The following DSN1 variants were observed in gnomAD, a reference collection of about 807,000 sequenced individuals.
DSN1 encodes DSN1 component of MIS12 kinetochore complex, also known as kinetochore-associated protein DSN1 homolog.
In DSN1, 31 loss-of-function variants were observed where a neutral mutation model predicts 45.7. The observed-to-expected ratio is 0.68, with a 90% confidence interval of 0.51 to 0.92. DSN1 has a LOEUF of 0.92. DSN1 is among the 40% of genes least tolerant of loss of function. The probability of loss-of-function intolerance (pLI) is 0.00; values close to 1 mark genes in which losing one functional copy is unlikely to be tolerated. For missense variants in DSN1, 394 were observed against 414.2 expected (o/e 0.95, Z 0.42); for synonymous variants, 134 against 142.3 (o/e 0.94, Z 0.41).
In DSN1 at chr20:36,766,759, A is replaced by G; in HGVS notation, c.502+10T>C. ...CAGGGTCAAAGCTCACTCATCTGTT[A>G]GCAACTTACCTTTGGCTCTAAAACT... is the stretch of plus-strand genomic sequence containing the variant. On this transcript the variant is annotated intron_variant, in intron 5 of 10. Transcript: ENST00000373750. 1 of 1,608,890 alleles carries G rather than the reference A, an allele frequency of 6.2e-7. No individual in the cohort carries two copies. The highest frequency in any genetic ancestry group is 8.5e-7 in the Non-Finnish European group (1 of 1,178,424).
At chr20:36,765,003 A>G (rs1419087250) in intron 5 of DSN1, among the ~76,000 whole-genome samples, 1 of 152,030 alleles carries the variant, frequency 6.6e-6, no homozygotes, top group Non-Finnish European at 1.5e-5. Context: ...AAGAAAAAGG[A>G]ACACAGATTA....
chr20:36,753,651 A>G (rs1269694902), intron 10 of DSN1, among the ~76,000 whole-genome samples: 1 of 150,326 alleles, frequency 6.7e-6, no homozygotes, highest in Non-Finnish European at 1.5e-5. Flanking sequence ...AAAAAAAAAA[A>G]AAGAAAAAGA....
chr20:36,765,025 T>TA (rs900951599), intron 5 of DSN1, among the ~76,000 whole-genome samples: 26 of 151,704 alleles, frequency 1.7e-4, no homozygotes, highest in African/African-American at 5.6e-4. Flanking sequence ...AACTACAAAA[T>TA]ATCTTCTATC....
chr20:36,765,862 A>T (rs984964633), intron 5 of DSN1, among the ~76,000 whole-genome samples: 1 of 151,254 alleles, frequency 6.6e-6, no homozygotes, highest in Admixed American at 6.6e-5. Context: ...AAAAAAAAAA[A>T]ACAAAAAACA....
Position 36,754,811 on chromosome 20 carries a change from A to G in DSN1, c.913T>C (p.Phe305Leu). ...AAGCACTGGGTACTTTCATCCATAAAGGCCTGCAGCTGTTTCACTGATCCT... is the reference window on the plus strand; with the variant it reads ...AAGCACTGGGTACTTTCATCCATAAGGGCCTGCAGCTGTTTCACTGATCCT... ...LQGSVKQLQA[F>L]MDESTQCFQK... Residue 305 changes from phenylalanine (F) to leucine (L), a missense_variant, in exon 10 of 11, where the codon TTT (phenylalanine) becomes CTT (leucine). By Grantham distance (22) the Phe-to-Leu change is conservative (BLOSUM62 0). Coordinates refer to ENST00000373750, the MANE Select transcript of DSN1 (RefSeq NM_001145315.2). 1 of 1,613,948 alleles carries G rather than the reference A, an allele frequency of 6.2e-7. No homozygotes were observed.
At chr20:36,766,400 G>A (rs998404075) in intron 5 of DSN1, among the ~76,000 whole-genome samples, 3 of 152,022 alleles carry the variant, frequency 2.0e-5, no homozygotes, top group African/African-American at 4.8e-5. Context: ...GGGCACAGTG[G>A]CTCATGCCTG....
chr20:36,757,207 T>A (rs931259275), intron 8 of DSN1, among the ~76,000 whole-genome samples: 12 of 151,748 alleles, frequency 7.9e-5, no homozygotes, highest in African/African-American at 2.9e-4. Flanking sequence ...AATACAAAAA[T>A]TAGTGGGGTG....
chr20:36,756,880 T>C (rs1012255653), intron 8 of DSN1, among the ~76,000 whole-genome samples: 3 of 152,204 alleles, frequency 2.0e-5, no homozygotes, highest in African/African-American at 7.2e-5. Context: ...ATAAAGTAAC[T>C]GATAACCATC....
intron 7 of DSN1, 133 bp downstream of exon 7, chr20:36,758,425 G>T: frequency 1.3e-6 from 1 of 764,698 alleles, no homozygotes; most frequent in Non-Finnish European, 2.1e-6. Flanking sequence ...TCAATATGCA[G>T]CCTTCTAACT....
intron 5 of DSN1, among the ~76,000 whole-genome samples, chr20:36,763,885 CAAAAAAAA>C (rs148628979): frequency 2.5e-3 from 94 of 37,464 alleles, no homozygotes; most frequent in African/African-American, 0.011. Flanking sequence ...AACTCTGTCT[CAAAAAAAA>C]AAAAAAAAAA....
At position 36,762,454 on chromosome 20, in the gene DSN1, C is replaced by G. The variant is rs768302404; in HGVS notation, c.590+7G>C. 1.1e-5 allele frequency: 18 copies of G among 1,612,572 alleles called. 1 individual carries two copies. In the South Asian group the frequency reaches 2.0e-4, roughly 18 times the overall value. ...ATAATTTAGGACAGAAGGGGAACTGCTCTTACCCATTTGAATCTTCAAAAC... is the reference window on the plus strand; with the variant it reads ...ATAATTTAGGACAGAAGGGGAACTGGTCTTACCCATTTGAATCTTCAAAAC... On this transcript the variant is annotated splice_region_variant and intron_variant, in intron 6 of 10. Coordinates refer to ENST00000373750, the MANE Select transcript of DSN1 (RefSeq NM_001145315.2).
At chr20:36,763,705 G>A (rs965868216) in intron 5 of DSN1, among the ~76,000 whole-genome samples, 2 of 151,656 alleles carry the variant, frequency 1.3e-5, no homozygotes, top group African/African-American at 4.8e-5. Context: ...TGGCCAACAT[G>A]GTGAAACCCC....
At chr20:36,773,537 G>A (rs1175523481) in intron 1 of DSN1, 125 bp downstream of exon 1, 3 of 986,076 alleles carry the variant, frequency 3.0e-6, no homozygotes, top group Non-Finnish European at 3.6e-6. Context: ...CGGGGCCGGG[G>A]CTGCGGCGGG....
In DSN1 at chr20:36,754,806, C is replaced by G. The variant is rs1247369595; in HGVS notation, c.918G>C (p.Met306Ile). The G allele has an allele frequency of 6.2e-7, 1 of 1,613,918 alleles. No individual in the cohort carries two copies. Among genetic ancestry groups the G allele is most frequent in the Admixed American group, 1.7e-5 (1 of 60,008 alleles). ...QGSVKQLQAF[M>I]DESTQCFQKV... ...TCTGGAAGCACTGGGTACTTTCATC[C>G]ATAAAGGCCTGCAGCTGTTTCACTG... Residue 306 changes from methionine to isoleucine, a missense_variant, in exon 10 of 11, where the codon ATG becomes ATC. Met to Ile is a conservative substitution (Grantham distance 10). Transcript: ENST00000373750.
intron 5 of DSN1, among the ~76,000 whole-genome samples, chr20:36,764,483 G>A (rs1378724901): frequency 6.6e-6 from 1 of 152,294 alleles, no homozygotes; most frequent in South Asian, 2.1e-4. Context: ...CTGGATAAGT[G>A]TATATTTACA....
chr20:36,761,642 C>T (rs1283274985), intron 6 of DSN1, among the ~76,000 whole-genome samples: 1 of 151,672 alleles, frequency 6.6e-6, no homozygotes, highest in Non-Finnish European at 1.5e-5. Context: ...AGGCAGATCA[C>T]CTGAGGTTAG....
intron 5 of DSN1, among the ~76,000 whole-genome samples, chr20:36,764,244 G>A (rs978299281): frequency 2.0e-5 from 3 of 151,848 alleles, no homozygotes; most frequent in Non-Finnish European, 4.4e-5. Flanking sequence ...AATTATGGGC[G>A]TAAGGTTAAA....
rs374625203 is a variant in DSN1, at chr20:36,754,792, T to C, written c.932A>G (p.Gln311Arg). Residue 311 changes from glutamine (Q) to arginine (R), a missense_variant, in exon 10 of 11, where the codon CAG (glutamine) becomes CGG (arginine). Transcript: ENST00000373750. ...QLQAFMDEST[Q>R]CFQKVSVQLG... The stretch of plus-strand genomic sequence containing the variant: ...CTGTACTGACACCTTCTGGAAGCAC[T>C]GGGTACTTTCATCCATAAAGGCCTG... The C allele has an allele frequency of 1.6e-5, 26 of 1,613,834 alleles. No individual in the cohort carries two copies. In the African/African-American group the frequency reaches 2.4e-4, roughly 15 times the overall value.
chr20:36,757,953 A>G (rs1731869606), intron 8 of DSN1, 134 bp downstream of exon 8: 1 of 803,404 alleles, frequency 1.2e-6, no homozygotes, highest in Non-Finnish European at 2.0e-6. Flanking sequence ...GTGCTAATAC[A>G]CACTACAGAA....
Sources: allele counts gnomAD v4.1 joint callset (sites outside exome capture counted in the v4.1 genomes callset), GRCh38; gene constraint gnomAD v4.1.1; transcripts MANE v1.5; gene names NCBI Gene and HGNC (gene_info 2026-07-23, HGNC 2026-07-21).